Variants in TMEM248 observed in about 807,000 individuals in gnomAD.
TMEM248 encodes the protein transmembrane protein 248.
Under a neutral mutation model 30.3 loss-of-function variants are expected in TMEM248, and 9 were observed. The observed-to-expected ratio is 0.30, with a 90% CI of 0.18 to 0.52. The LOEUF (loss-of-function observed/expected upper bound fraction) is 0.52, where lower values mean the gene tolerates loss of function less well. Ranked by LOEUF, TMEM248 falls within the 20% of genes least tolerant of loss-of-function variation. The pLI is 0.97. For missense variants in TMEM248, 338 were observed against 403.3 expected (o/e 0.84, Z 1.39); for synonymous variants, 184 against 154.4 (o/e 1.19, Z -1.42).
At chr7:66,934,161 T>C (rs892150113) in intron 1 of TMEM248, among the ~76,000 whole-genome samples, 5 of 151,416 alleles carry the variant, frequency 3.3e-5, no homozygotes, top group Non-Finnish European at 2.9e-5. Flanking sequence ...GGAATCTTAA[T>C]AGTTTTATTC....
chr7:66,926,752 T>A (rs1044478683), intron 1 of TMEM248, among the ~76,000 whole-genome samples: 2 of 150,112 alleles, frequency 1.3e-5, no homozygotes, highest in South Asian at 4.2e-4. Flanking sequence ...GAATTTTCAT[T>A]TAGATTGATT....
At chr7:66,943,751 T>G (rs1463407098) in intron 2 of TMEM248, among the ~76,000 whole-genome samples, 1 of 152,080 alleles carries the variant, frequency 6.6e-6, no homozygotes, top group South Asian at 2.1e-4. Flanking sequence ...AAACTGATGC[T>G]GTAAGGGTAG....
intron 1 of TMEM248, among the ~76,000 whole-genome samples, chr7:66,934,048 C>T (rs551932612): frequency 9.9e-5 from 15 of 151,666 alleles, no homozygotes; most frequent in Non-Finnish European, 1.8e-4. Context: ...GAAATTTTCT[C>T]GTAACTCTTT....
At chr7:66,947,256 C>T (rs914882570) in intron 3 of TMEM248, among the ~76,000 whole-genome samples, 1 of 151,466 alleles carries the variant, frequency 6.6e-6, no homozygotes, top group African/African-American at 2.4e-5. Context: ...ATAAAAAGTC[C>T]TTCAAGGAAT....
At chr7:66,953,097 T>A (rs1792311401) in intron 5 of TMEM248, 129 bp from the exon 6 acceptor site, 1 of 1,029,436 alleles carries the variant, frequency 9.7e-7, no homozygotes, top group Admixed American at 2.4e-5. Context: ...AGAAACCTCC[T>A]CTTGCAGCTT....
chr7:66,941,652 T>G (rs1791961857), intron 1 of TMEM248, among the ~76,000 whole-genome samples, 196 bp from the exon 2 acceptor site: 1 of 152,040 alleles, frequency 6.6e-6, no homozygotes, highest in South Asian at 2.1e-4. Flanking sequence ...CCTGCCACTT[T>G]GAGGTAATGG....
intron 2 of TMEM248, among the ~76,000 whole-genome samples, chr7:66,943,134 C>G (rs968637215): frequency 2.0e-5 from 3 of 152,072 alleles, no homozygotes; most frequent in African/African-American, 7.2e-5. Flanking sequence ...TACTGGCTGG[C>G]TTAATTCTCT....
chr7:66,944,712 A>T (rs2129224426), intron 2 of TMEM248, among the ~76,000 whole-genome samples: 1 of 152,304 alleles, frequency 6.6e-6, no homozygotes, highest in East Asian at 1.9e-4. Flanking sequence ...TCTTGAATAA[A>T]TTGATTTGAT....
Position 66,953,309 on chromosome 7 carries a change from T to G in TMEM248, c.864T>G (p.Ala288=). The G allele has an allele frequency of 6.2e-7, 1 of 1,614,196 alleles. No homozygotes were observed. Among genetic ancestry groups the G allele is most frequent in the Non-Finnish European group, 8.5e-7 (1 of 1,180,028 alleles). Residue 288 remains alanine, a synonymous_variant, in exon 6 of 7, where the codon GCT becomes GCG. Coordinates refer to ENST00000341567, the MANE Select transcript of TMEM248 (RefSeq NM_017994.5). ...TGGTGATAACAATGTTTTGCTATGC[T>G]GTTATCAAGGGCAGACCTAGCAAAT... ...FVMVITMFCY[A]VIKGRPSKLR...
chr7:66,935,582 G>T (rs559693621), intron 1 of TMEM248, among the ~76,000 whole-genome samples: 3 of 151,976 alleles, frequency 2.0e-5, no homozygotes, highest in Admixed American at 2.0e-4. Flanking sequence ...TTACTTTGTT[G>T]TGCAGGCTGG....
intron 3 of TMEM248, among the ~76,000 whole-genome samples, chr7:66,946,780 T>C (rs1792120028): frequency 6.6e-6 from 1 of 152,120 alleles, no homozygotes; most frequent in South Asian, 2.1e-4. Flanking sequence ...TGACCAGTAC[T>C]AAACCCATGA....
chr7:66,933,285 T>G (rs1791716188), intron 1 of TMEM248, among the ~76,000 whole-genome samples: 1 of 152,206 alleles, frequency 6.6e-6, no homozygotes, highest in East Asian at 1.9e-4. Context: ...TCCTCCTGCC[T>G]CAGCCCCCCA....
chr7:66,924,007 T>A (rs576191966), intron 1 of TMEM248, among the ~76,000 whole-genome samples: 1 of 152,344 alleles, frequency 6.6e-6, no homozygotes. Context: ...GAGTTTGTCT[T>A]GTTCTGTAAG....
chr7:66,945,273 C>G lies in TMEM248; in HGVS notation c.445+12C>G. ...GATTGGACTTTCAGGTATGCAGTAG[C>G]CACTCTCCACTCAGGCTCCTTAGGC... is the stretch of plus-strand genomic sequence containing the variant. On this transcript the variant is annotated intron_variant, in intron 3 of 6. Coordinates refer to ENST00000341567, the MANE Select transcript of TMEM248 (RefSeq NM_017994.5). 6.2e-7 allele frequency: 1 copy of G among 1,608,640 alleles called. No individual in the cohort carries two copies.
intron 1 of TMEM248, among the ~76,000 whole-genome samples, chr7:66,929,659 C>T (rs1173496373): frequency 2.0e-5 from 3 of 151,994 alleles, no homozygotes; most frequent in African/African-American, 4.8e-5. Flanking sequence ...CTCTCAAACT[C>T]CTGGCCTCAG....
intron 1 of TMEM248, among the ~76,000 whole-genome samples, chr7:66,925,356 C>T (rs934153194): frequency 6.6e-6 from 1 of 152,076 alleles, no homozygotes; most frequent in Admixed American, 6.6e-5. Context: ...TGCAATATAA[C>T]TCAAAAAAGA....
chr7:66,933,959 CTTTT>C (rs1242280884), intron 1 of TMEM248, among the ~76,000 whole-genome samples: 3 of 150,072 alleles, frequency 2.0e-5, no homozygotes, highest in Non-Finnish European at 3.0e-5. Context: ...TCTTTTATCT[CTTTT>C]TCTTTTTTTT....
intron 1 of TMEM248, among the ~76,000 whole-genome samples, chr7:66,932,517 CTTTT>C (rs375755080): frequency 7.0e-6 from 1 of 142,920 alleles, no homozygotes; most frequent in Non-Finnish European, 1.5e-5. Flanking sequence ...TCCCTGAGAA[CTTTT>C]TTTTTTTTTT....
At chr7:66,934,695 T>A (rs1464249664) in intron 1 of TMEM248, among the ~76,000 whole-genome samples, 1 of 152,212 alleles carries the variant, frequency 6.6e-6, no homozygotes, top group Non-Finnish European at 1.5e-5. Flanking sequence ...TTCTACTGTT[T>A]TCCTGAATGT....
Sources: gnomAD v4.1 joint callset for allele counts (sites outside exome capture counted in the v4.1 genomes callset) on GRCh38, gnomAD v4.1.1 for gene constraint, MANE v1.5 for transcripts, NCBI Gene and HGNC (gene_info 2026-07-23, HGNC 2026-07-21) for gene names.